TRPM6: variants seen among roughly 807,000 people sequenced by gnomAD.
The protein encoded by TRPM6 is transient receptor potential cation channel subfamily M member 6.
Under a neutral mutation model 247.6 loss-of-function variants are expected in TRPM6, and 111 were observed. That is an observed-to-expected ratio of 0.45 (90% CI 0.38 to 0.52). The LOEUF is 0.52. TRPM6 is among the 20% of genes least tolerant of loss of function. The pLI, the probability that TRPM6 is intolerant of heterozygous loss-of-function variation, is 0.00. For missense variants in TRPM6, 2,126 were observed against 2,421.5 expected (o/e 0.88, Z 2.56); for synonymous variants, 892 against 853.8 (o/e 1.04, Z -0.78).
At chr9:74,846,968 CA>C (rs1830129961) in intron 3 of TRPM6, among the ~76,000 whole-genome samples, 1 of 152,154 alleles carries the variant, frequency 6.6e-6, no homozygotes, top group African/African-American at 2.4e-5. Context: ...TATGAGTCTA[CA>C]AACCACACAT....
At chr9:74,748,861 G>A (rs1185680023) in intron 30 of TRPM6, among the ~76,000 whole-genome samples, 4 of 152,142 alleles carry the variant, frequency 2.6e-5, no homozygotes, top group African/African-American at 7.2e-5. Flanking sequence ...GTCTCCGCTT[G>A]TGTAGAGTAA....
At chr9:74,759,031 A>G (rs1188551187) in intron 27 of TRPM6, among the ~76,000 whole-genome samples, 1 of 152,186 alleles carries the variant, frequency 6.6e-6, no homozygotes, top group African/African-American at 2.4e-5. Context: ...AAATTCAAAA[A>G]TATGAAATAG....
chr9:74,722,848 G>GT lies in TRPM6; in HGVS notation c.*1764dup, dbSNP rs1470368952. On this transcript the variant is annotated 3_prime_UTR_variant, in exon 39 of 39. Coordinates refer to ENST00000360774, the MANE Select transcript of TRPM6 (RefSeq NM_017662.5). Reference sequence around the variant, plus strand: ...CAATCATTGGCAAACTAAATTCTTGGTTTTCCACCTTCCTTTTCAACATTT... The same window carrying GT: ...CAATCATTGGCAAACTAAATTCTTGGTTTTTCCACCTTCCTTTTCAACATTT... The GT allele has an allele frequency of 6.6e-6, 1 of 152,146 alleles. No individual in the cohort carries two copies. The highest frequency in any genetic ancestry group is 2.4e-5 in the African/African-American group (1 of 41,434). The allele number at this position is 152,146 out of a possible 1,614,324, so 9.4% of individuals were successfully genotyped here. A position where few individuals can be genotyped will look rare whatever the true frequency, so the allele number is the denominator to read the frequency against.
chr9:74,862,401 T>G (rs537576199), intron 1 of TRPM6, among the ~76,000 whole-genome samples: 8 of 152,290 alleles, frequency 5.3e-5, no homozygotes, highest in African/African-American at 1.9e-4. Context: ...ATCGACTGGA[T>G]GTTTTTTGCT....
At chr9:74,777,153 T>C (rs1354766473) in intron 23 of TRPM6, among the ~76,000 whole-genome samples, 2 of 152,172 alleles carry the variant, frequency 1.3e-5, no homozygotes, top group Non-Finnish European at 2.9e-5. Context: ...ATGTCAGAAA[T>C]GCACATTTTT....
intron 25 of TRPM6, among the ~76,000 whole-genome samples, chr9:74,766,652 T>A (rs1826835564): frequency 6.6e-6 from 1 of 152,118 alleles, no homozygotes; most frequent in Non-Finnish European, 1.5e-5. Context: ...GGCTCATGCC[T>A]GTAATCCCAG....
chr9:74,831,158 T>C (rs1281265214), intron 6 of TRPM6, among the ~76,000 whole-genome samples: 1 of 151,860 alleles, frequency 6.6e-6, no homozygotes, highest in Admixed American at 6.6e-5. Context: ...ACATGAAAAA[T>C]CAAAATGTTT....
chr9:74,841,988 G>A (rs1829953067), intron 4 of TRPM6, among the ~76,000 whole-genome samples, 178 bp downstream of exon 4: 1 of 151,992 alleles, frequency 6.6e-6, no homozygotes, highest in African/African-American at 2.4e-5. Context: ...GCCCATGCCT[G>A]TAGTCCCAGC....
Position 74,769,036 on chromosome 9 carries a change from A to G in TRPM6, c.3536+2667T>C, listed in dbSNP as rs1034208204. 3.3e-5 allele frequency among the ~76,000 whole-genome samples: 5 copies of G among 152,328 alleles called. No individual in the cohort carries two copies. In the East Asian group the frequency reaches 5.8e-4, roughly 18 times the overall value. On this transcript the variant is annotated intron_variant, in intron 25 of 38. Coordinates refer to ENST00000360774, the MANE Select transcript of TRPM6 (RefSeq NM_017662.5). ...TTGAGGGGCCCATTTTTACTTAATA[A>G]TAGATAACTTTCATTGTACTCTTAC...
At chr9:74,770,831 A>G (rs1316179017) in intron 25 of TRPM6, among the ~76,000 whole-genome samples, 5 of 151,892 alleles carry the variant, frequency 3.3e-5, no homozygotes, top group Admixed American at 2.6e-4. Flanking sequence ...TGTTTTATTT[A>G]TTGCCACATT....
At chr9:74,821,267 T>C (rs930550498) in intron 8 of TRPM6, among the ~76,000 whole-genome samples, 59 of 152,186 alleles carry the variant, frequency 3.9e-4, no homozygotes, top group African/African-American at 1.4e-3. Flanking sequence ...TGTCAGGATG[T>C]AGACCTTCCC....
At position 74,724,245 on chromosome 9, in the gene TRPM6, A is replaced by C. The variant is rs1447884171; in HGVS notation, c.*368T>G. On this transcript the variant is annotated 3_prime_UTR_variant, in exon 39 of 39. Coordinates refer to ENST00000360774, the MANE Select transcript of TRPM6 (RefSeq NM_017662.5). ...GTAGTAGGGGGTCCAGTCTGCATAC[A>C]TAGTGAGAAAATAAAATAAATGTAT... 1.8e-5 allele frequency: 6 copies of C among 330,636 alleles called. No individual in the cohort carries two copies. The highest frequency in any genetic ancestry group is 1.1e-4 in the African/African-American group (5 of 47,008). The allele number at this position is 330,636 out of a possible 1,614,324, so 20.5% of individuals were successfully genotyped here.
chr9:74,784,722 C>G (rs1827586147), intron 21 of TRPM6, among the ~76,000 whole-genome samples: 1 of 152,168 alleles, frequency 6.6e-6, no homozygotes, highest in Non-Finnish European at 1.5e-5. Context: ...AACAAACTAA[C>G]TATGCAATAT....
chr9:74,870,646 G>A (rs1302623180), intron 1 of TRPM6, among the ~76,000 whole-genome samples: 1 of 152,068 alleles, frequency 6.6e-6, no homozygotes, highest in African/African-American at 2.4e-5. Flanking sequence ...TCCACGGGCT[G>A]GGCGCAGTGG....
At chr9:74,853,736 C>T (rs904500227) in intron 3 of TRPM6, among the ~76,000 whole-genome samples, 1 of 152,118 alleles carries the variant, frequency 6.6e-6, no homozygotes, top group Non-Finnish European at 1.5e-5. Flanking sequence ...GCCGCAGGGT[C>T]CTCTGCCTAG....
intron 11 of TRPM6, among the ~76,000 whole-genome samples, chr9:74,813,475 C>A (rs934439541): frequency 1.3e-5 from 2 of 152,224 alleles, no homozygotes; most frequent in Non-Finnish European, 2.9e-5. Flanking sequence ...TCCCATAACA[C>A]TAGCAACAAG....
At chr9:74,743,935 C>A (rs1047151483) in intron 32 of TRPM6, among the ~76,000 whole-genome samples, 160 bp downstream of exon 32, 3 of 152,190 alleles carry the variant, frequency 2.0e-5, no homozygotes, top group Non-Finnish European at 2.9e-5. Flanking sequence ...AAGTCAATGG[C>A]AAAGTTAGAA....
At chr9:74,803,654 C>T (rs987672488) in intron 15 of TRPM6, 140 bp downstream of exon 15, 9 of 750,456 alleles carry the variant, frequency 1.2e-5, no homozygotes, top group Admixed American at 5.4e-5. Context: ...CTGTGTTATG[C>T]TTTTGACTTG....
intron 9 of TRPM6, among the ~76,000 whole-genome samples, chr9:74,819,124 A>G (rs548390953): frequency 7.2e-4 from 110 of 152,244 alleles, no homozygotes; most frequent in African/African-American, 2.6e-3. Context: ...CTTGGCCAAC[A>G]TGGTGAAACC....
Sources: allele counts gnomAD v4.1 joint callset (sites outside exome capture counted in the v4.1 genomes callset), GRCh38; gene constraint gnomAD v4.1.1; transcripts MANE v1.5; gene names NCBI Gene and HGNC (gene_info 2026-07-23, HGNC 2026-07-21).